Variants in FGGY observed in about 807,000 individuals in gnomAD.
FGGY encodes FGGY carbohydrate kinase domain-containing protein.
A neutral mutation model predicts 71.3 loss-of-function variants in FGGY; 72 were observed. The ratio of observed to expected loss-of-function variants is 1.01; its 90% confidence interval spans 0.84 to 1.23. The LOEUF (loss-of-function observed/expected upper bound fraction) is 1.23. FGGY is among the 50% of genes most tolerant of loss of function. FGGY has a pLI of 0.00. For missense variants in FGGY, 668 were observed against 682.3 expected (o/e 0.98, Z 0.23); for synonymous variants, 251 against 250.3 (o/e 1.00, Z -0.02).
chr1:59,706,804 A>C (rs2097760298), intron 14 of FGGY, among the ~76,000 whole-genome samples: 1 of 152,260 alleles, frequency 6.6e-6, no homozygotes, highest in South Asian at 2.1e-4. Context: ...CCTGATCTGT[A>C]GAATTAGATT....
chr1:59,412,509 C>T (rs898010539), intron 5 of FGGY, among the ~76,000 whole-genome samples: 6 of 152,110 alleles, frequency 3.9e-5, no homozygotes, highest in Non-Finnish European at 8.8e-5. Flanking sequence ...CCTAAGATTG[C>T]ACTACCTGAT....
Position 59,757,912 on chromosome 1 carries a change from G to A in FGGY, c.1513-19G>A, listed in dbSNP as rs755300706. The A allele has an allele frequency of 3.7e-6, 6 of 1,604,718 alleles. No homozygotes were observed. The African/African-American group carries it at 6.7e-5, about 18-fold the overall frequency. On this transcript the variant is annotated intron_variant, in intron 14 of 15. Transcript: ENST00000303721. Reference sequence around the variant, plus strand: ...TTCGCTTTCCAACTCAGCTGTCTATGTTGTTTTCCATTTAATAGGAAGCAA... The same window carrying A: ...TTCGCTTTCCAACTCAGCTGTCTATATTGTTTTCCATTTAATAGGAAGCAA...
intron 6 of FGGY, among the ~76,000 whole-genome samples, chr1:59,486,122 T>A (rs1029299468): frequency 6.6e-6 from 1 of 152,160 alleles, no homozygotes; most frequent in Non-Finnish European, 1.5e-5. Flanking sequence ...CATTGTTTAG[T>A]ATCCATTCTG....
chr1:59,606,612 A>G (rs1009293710), intron 8 of FGGY, among the ~76,000 whole-genome samples: 1 of 152,172 alleles, frequency 6.6e-6, no homozygotes, highest in African/African-American at 2.4e-5. Flanking sequence ...GCTGACAAGG[A>G]CCTAAAGCTT....
intron 6 of FGGY, among the ~76,000 whole-genome samples, chr1:59,480,369 T>C (rs1312778163): frequency 6.6e-6 from 1 of 152,166 alleles, no homozygotes; most frequent in African/African-American, 2.4e-5. Context: ...CATGGTCTTG[T>C]TTTGCTTCCA....
intron 1 of FGGY, among the ~76,000 whole-genome samples, chr1:59,314,736 G>C (rs2045085828): frequency 6.6e-6 from 1 of 152,190 alleles, no homozygotes; most frequent in Admixed American, 6.5e-5. Flanking sequence ...CCATTCTTCA[G>C]CTCCTTATTG....
intron 5 of FGGY, among the ~76,000 whole-genome samples, chr1:59,417,804 T>C (rs976847847): frequency 6.6e-6 from 1 of 152,220 alleles, no homozygotes; most frequent in Non-Finnish European, 1.5e-5. Flanking sequence ...TGTCTTTTTA[T>C]TGTTGAATTA....
chr1:59,559,574 T>C (rs2153714561), intron 8 of FGGY, among the ~76,000 whole-genome samples: 1 of 152,260 alleles, frequency 6.6e-6, no homozygotes, highest in Non-Finnish European at 1.5e-5. Flanking sequence ...TACAAGCACA[T>C]AGTGTCCAGA....
intron 10 of FGGY, among the ~76,000 whole-genome samples, chr1:59,631,858 A>G (rs931927382): frequency 4.6e-5 from 7 of 152,186 alleles, no homozygotes; most frequent in South Asian, 2.1e-4. Context: ...TGTGGGGCCA[A>G]ATTTGCAGAT....
intron 2 of FGGY, among the ~76,000 whole-genome samples, chr1:59,331,681 G>A (rs1007400377): frequency 2.0e-5 from 3 of 152,022 alleles, no homozygotes; most frequent in African/African-American, 7.3e-5. Context: ...CTACTAAAAT[G>A]TAATCTCCAA....
At chr1:59,615,529 C>G (rs998158304) in intron 9 of FGGY, among the ~76,000 whole-genome samples, 1 of 152,028 alleles carries the variant, frequency 6.6e-6, no homozygotes, top group African/African-American at 2.4e-5. Context: ...GTTAGACCTA[C>G]AACCATAAAA....
At chr1:59,621,852 A>G (rs1399303743) in intron 9 of FGGY, among the ~76,000 whole-genome samples, 5 of 151,482 alleles carry the variant, frequency 3.3e-5, no homozygotes, top group Non-Finnish European at 7.4e-5. Flanking sequence ...AGTTTGGGAA[A>G]TTTTCAGCAT....
At chr1:59,434,765 G>T (rs1246036958) in intron 5 of FGGY, among the ~76,000 whole-genome samples, 1 of 151,680 alleles carries the variant, frequency 6.6e-6, no homozygotes, top group Admixed American at 6.6e-5. Flanking sequence ...ACTTCTTCAT[G>T]ACCTAATCAC....
At chr1:59,342,738 T>G (rs371409960) in intron 3 of FGGY, among the ~76,000 whole-genome samples, 2 of 152,190 alleles carry the variant, frequency 1.3e-5, no homozygotes, top group East Asian at 3.9e-4. Context: ...GAGCAGAGAG[T>G]GGGGTCAGGA....
intron 14 of FGGY, among the ~76,000 whole-genome samples, chr1:59,734,428 C>T (rs2098081559): frequency 6.6e-6 from 1 of 152,170 alleles, no homozygotes; most frequent in South Asian, 2.1e-4. Context: ...TGATCTAGAA[C>T]TCCTGGCTCA....
At chr1:59,419,795 C>T (rs2153440565) in intron 5 of FGGY, among the ~76,000 whole-genome samples, 1 of 152,094 alleles carries the variant, frequency 6.6e-6, no homozygotes, top group Non-Finnish European at 1.5e-5. Context: ...TCCATGTGGG[C>T]TTAGAAAATC....
chr1:59,535,829 A>T (rs1038483454), intron 7 of FGGY, among the ~76,000 whole-genome samples: 4,593 of 149,104 alleles, frequency 0.031, 249 homozygotes, highest in African/African-American at 0.11. Context: ...ATGCATTCAA[A>T]GCAGTGTGTA....
intron 5 of FGGY, among the ~76,000 whole-genome samples, chr1:59,438,338 G>A (rs1557924779): frequency 6.6e-6 from 1 of 152,314 alleles, no homozygotes; most frequent in East Asian, 1.9e-4. Context: ...TGAGAGGTAA[G>A]TATCAGTTGG....
At chr1:59,706,129 ACT>A (rs1384764099) in intron 14 of FGGY, among the ~76,000 whole-genome samples, 1 of 152,034 alleles carries the variant, frequency 6.6e-6, no homozygotes, top group Non-Finnish European at 1.5e-5. Context: ...TGGATCGTAA[ACT>A]CACTGAGCCT....
Sources: allele counts gnomAD v4.1 joint callset (sites outside exome capture counted in the v4.1 genomes callset), GRCh38; gene constraint gnomAD v4.1.1; transcripts MANE v1.5; gene names NCBI Gene and HGNC (gene_info 2026-07-23, HGNC 2026-07-21).